The following THSD4 variants were observed in gnomAD, a reference collection of about 807,000 sequenced individuals.
THSD4 encodes thrombospondin type-1 domain-containing protein 4.
Under a neutral mutation model 119.0 loss-of-function variants are expected in THSD4, and 69 were observed. The observed-to-expected ratio is 0.58, with a 90% CI of 0.48 to 0.71. The LOEUF (loss-of-function observed/expected upper bound fraction) is 0.71, where lower values mean the gene tolerates loss of function less well. Among genes scored for constraint, THSD4 ranks in the 30% least tolerant of loss-of-function variants. THSD4 has a pLI of 0.00. For missense variants in THSD4, 1,393 were observed against 1,391.1 expected (o/e 1.00, Z -0.02); for synonymous variants, 524 against 540.4 (o/e 0.97, Z 0.42).
intron 7 of THSD4, chr15:71,549,490 A>G (rs1489999121): frequency 6.6e-6 from 1 of 152,168 alleles, no homozygotes; most frequent in South Asian, 2.1e-4. Context: ...GAGCATGAGT[A>G]TGAGTAGCCC....
At chr15:71,587,787 TAAA>T (rs1207231444) in intron 7 of THSD4, among the ~76,000 whole-genome samples, 2 of 105,554 alleles carry the variant, frequency 1.9e-5, no homozygotes, top group Non-Finnish European at 3.9e-5. Context: ...AAAAAAAAAT[TAAA>T]AAAAAAAAAG....
At position 71,127,620 on chromosome 15, in the gene THSD4, G is replaced by A. The variant is rs1205362666; in HGVS notation, c.-80+11922G>A. 2.0e-5 allele frequency among the ~76,000 whole-genome samples: 3 copies of A among 152,190 alleles called. No individual in the cohort carries two copies. In the East Asian group the frequency reaches 5.8e-4, roughly 29 times the overall value. On this transcript the variant is annotated intron_variant, in intron 1 of 17. Transcript: ENST00000261862. ...ATAATAGCCATTCTGACAGGTGTGAGATGATATCTCACTGTGGTTTTAATT... is the reference window on the plus strand; with the variant it reads ...ATAATAGCCATTCTGACAGGTGTGAAATGATATCTCACTGTGGTTTTAATT...
At chr15:71,407,238 G>A (rs1320604537) in intron 6 of THSD4, among the ~76,000 whole-genome samples, 4 of 152,056 alleles carry the variant, frequency 2.6e-5, no homozygotes, top group Admixed American at 6.6e-5. Context: ...TAGTTGTCCC[G>A]GTTTTAGGTC....
At chr15:71,422,412 C>T (rs553826699) in intron 7 of THSD4, among the ~76,000 whole-genome samples, 2 of 152,232 alleles carry the variant, frequency 1.3e-5, no homozygotes, top group East Asian at 3.9e-4. Context: ...CACCTTAAGC[C>T]CAGTAATGCT....
chr15:71,763,899 T>C (rs1383544733), intron 15 of THSD4, among the ~76,000 whole-genome samples: 3 of 151,978 alleles, frequency 2.0e-5, no homozygotes, highest in Non-Finnish European at 4.4e-5. Context: ...ACCCCATCTC[T>C]ACAAAAAAAT....
Position 71,728,509 on chromosome 15 carries a change from C to T in THSD4, c.1358-40C>T, listed in dbSNP as rs763804625. ...AGTCAGTTCTGTTTCTTGTGCACAC[C>T]CTGGGCTTACCCAAAGAACTGTCTG... On this transcript the variant is annotated intron_variant, in intron 8 of 17. Transcript: ENST00000261862. 24 of 1,607,668 alleles carry T rather than the reference C, an allele frequency of 1.5e-5. No homozygotes were observed. The African/African-American group carries it at 1.6e-4, about 11-fold the overall frequency.
intron 3 of THSD4, among the ~76,000 whole-genome samples, chr15:71,198,586 A>T (rs1366751018): frequency 6.6e-6 from 1 of 152,216 alleles, no homozygotes; most frequent in Non-Finnish European, 1.5e-5. Flanking sequence ...TCTTAGTGTC[A>T]CTTCAAGTGT....
intron 7 of THSD4, among the ~76,000 whole-genome samples, chr15:71,565,920 A>G (rs1326618831): frequency 6.6e-6 from 1 of 152,136 alleles, no homozygotes; most frequent in African/African-American, 2.4e-5. Context: ...AGACAGAAGT[A>G]AGTCTCTATG....
At chr15:71,690,352 C>T (rs2052020717) in intron 8 of THSD4, among the ~76,000 whole-genome samples, 1 of 152,182 alleles carries the variant, frequency 6.6e-6, no homozygotes, top group Non-Finnish European at 1.5e-5. Context: ...AGCTGCCACT[C>T]CCCACCTCCT....
intron 11 of THSD4, among the ~76,000 whole-genome samples, chr15:71,742,721 G>C (rs1459248003): frequency 6.6e-6 from 1 of 151,860 alleles, no homozygotes; most frequent in East Asian, 1.9e-4. Context: ...TATTAAAACT[G>C]ACCCAAAGAA....
intron 7 of THSD4, among the ~76,000 whole-genome samples, chr15:71,449,255 C>T (rs769998076): frequency 3.9e-5 from 6 of 152,134 alleles, no homozygotes; most frequent in South Asian, 2.1e-4. Context: ...CTGCTCTTGT[C>T]GACATAAACA....
At chr15:71,441,471 G>GC (rs1323454209) in intron 7 of THSD4, among the ~76,000 whole-genome samples, 1 of 91,732 alleles carries the variant, frequency 1.1e-5, no homozygotes, top group Admixed American at 1.6e-4. Flanking sequence ...TGCAAAATCT[G>GC]CCCCCTGGGG....
Position 71,572,893 on chromosome 15 carries a change from T to C in THSD4, c.1153-87637T>C, listed in dbSNP as rs959542173. 3.9e-5 allele frequency among the ~76,000 whole-genome samples: 6 copies of C among 152,120 alleles called. No individual in the cohort carries two copies. In the South Asian group the frequency reaches 1.2e-3, roughly 32 times the overall value. ...AAAGGGAGCCTGGCAGGGTTAGGTATGTGCCAGGTCTTTGTTCTGGCCTGA... is the reference window on the plus strand; with the variant it reads ...AAAGGGAGCCTGGCAGGGTTAGGTACGTGCCAGGTCTTTGTTCTGGCCTGA... On this transcript the variant is annotated intron_variant, in intron 7 of 17. Transcript: ENST00000261862.
At chr15:71,555,904 A>C (rs765587271) in intron 7 of THSD4, among the ~76,000 whole-genome samples, 10 of 152,136 alleles carry the variant, frequency 6.6e-5, no homozygotes. Flanking sequence ...CATTTATTGA[A>C]TAGTCTTTCC....
chr15:71,142,245 A>G (rs2040611797), intron 2 of THSD4, among the ~76,000 whole-genome samples: 2 of 151,864 alleles, frequency 1.3e-5, no homozygotes, highest in Non-Finnish European at 2.9e-5. Flanking sequence ...TGGCAAGTTG[A>G]GTAAGTACTA....
chr15:71,341,653 G>A, intron 6 of THSD4: 2 of 1,526,898 alleles, frequency 1.3e-6, no homozygotes, highest in Non-Finnish European at 1.8e-6. Context: ...CACGAAGATT[G>A]GAACCTCTTG....
At chr15:71,575,854 G>C (rs2049438956) in intron 7 of THSD4, among the ~76,000 whole-genome samples, 1 of 152,196 alleles carries the variant, frequency 6.6e-6, no homozygotes, top group African/African-American at 2.4e-5. Flanking sequence ...AAAGTTGTCT[G>C]TCTGTGGGCT....
At chr15:71,377,867 AACACACACACACACACACACAC>A (rs376497737) in intron 6 of THSD4, among the ~76,000 whole-genome samples, 1 of 86,280 alleles carries the variant, frequency 1.2e-5, no homozygotes, top group Non-Finnish European at 2.3e-5. Context: ...ACATATCCAC[AACACACACACACACACACACAC>A]ACACACACAC....
chr15:71,344,378 A>G (rs1451884192), intron 6 of THSD4, among the ~76,000 whole-genome samples: 1 of 152,128 alleles, frequency 6.6e-6, no homozygotes, highest in African/African-American at 2.4e-5. Context: ...TGAAGATTCT[A>G]TTTCCAAATA....
Sources: gnomAD v4.1 joint callset for allele counts (sites outside exome capture counted in the v4.1 genomes callset) on GRCh38, gnomAD v4.1.1 for gene constraint, MANE v1.5 for transcripts, NCBI Gene and HGNC (gene_info 2026-07-23, HGNC 2026-07-21) for gene names.